Variants in MRPS9 observed in about 807,000 individuals in gnomAD.
MRPS9 encodes small ribosomal subunit protein uS9m.
A neutral mutation model predicts 59.9 loss-of-function variants in MRPS9; 45 were observed. That is an observed-to-expected ratio of 0.75 (90% CI 0.59 to 0.96). The LOEUF (loss-of-function observed/expected upper bound fraction) is 0.96, where lower values mean the gene tolerates loss of function less well. Ranked by LOEUF, MRPS9 falls within the 40% of genes least tolerant of loss-of-function variation. MRPS9 has a pLI of 0.00. For synonymous variants in MRPS9, 171 were observed against 166.8 expected (o/e 1.03, Z -0.19); for missense variants, 473 against 481.1 (o/e 0.98, Z 0.16).
intron 2 of MRPS9, among the ~76,000 whole-genome samples, chr2:105,057,068 A>G (rs1481755444): frequency 6.6e-6 from 1 of 152,216 alleles, no homozygotes; most frequent in Non-Finnish European, 1.5e-5. Flanking sequence ...AAAAGGAATT[A>G]GTAATTGGCA....
Position 105,093,833 on chromosome 2 carries a change from A to T in MRPS9, c.929+195A>T, listed in dbSNP as rs1680607925. 2.0e-5 allele frequency among the ~76,000 whole-genome samples: 3 copies of T among 152,244 alleles called. No homozygotes were observed. In the South Asian group the frequency reaches 6.2e-4, roughly 32 times the overall value. On this transcript the variant is annotated intron_variant, in intron 9 of 10. Coordinates refer to ENST00000258455, the MANE Select transcript of MRPS9 (RefSeq NM_182640.3). ...TCCAGATTTTTTAAAAAGCATCTCT[A>T]GAATTCCTCATTAATTGACTCTTCT... is the stretch of plus-strand genomic sequence containing the variant.
In MRPS9 at chr2:105,092,540, A is replaced by C. The variant is rs763179385; in HGVS notation, c.791A>C (p.Glu264Ala). ...KQLIEPVQYD[E>A]QGMAFSKSEG... ...CTGATTGAACCTGTACAGTATGATG[A>C]GCAAGGAATGGCCTTTAGCAAAAGT... Residue 264 changes from glutamate to alanine, a missense_variant, in exon 8 of 11, where the codon GAG becomes GCG. Coordinates refer to ENST00000258455, the MANE Select transcript of MRPS9 (RefSeq NM_182640.3). 2 of 1,605,642 alleles carry C rather than the reference A, an allele frequency of 1.2e-6. No homozygotes were observed. The highest frequency in any genetic ancestry group is 3.5e-5 in the Admixed American group (2 of 57,716).
intron 9 of MRPS9, among the ~76,000 whole-genome samples, chr2:105,096,597 A>G (rs898211677): frequency 1.3e-5 from 2 of 152,212 alleles, no homozygotes; most frequent in African/African-American, 4.8e-5. Flanking sequence ...TATGATTTAG[A>G]GAACTTTAAG....
chr2:105,097,072 A>G, intron 9 of MRPS9, 83 bp from the exon 10 acceptor site: 2 of 1,328,730 alleles, frequency 1.5e-6, no homozygotes. Context: ...TATTGTTTTT[A>G]TGAATATTCA....
intron 2 of MRPS9, among the ~76,000 whole-genome samples, chr2:105,069,849 A>C (rs1013981478): frequency 1.2e-5 from 1 of 84,384 alleles, no homozygotes; most frequent in African/African-American, 4.4e-5. Context: ...TCATCTCTAC[A>C]AAAAAAAAAA....
At chr2:105,070,774 A>G (rs113814403) in intron 2 of MRPS9, among the ~76,000 whole-genome samples, 2,690 of 152,322 alleles carry the variant, frequency 0.018, 79 homozygotes, top group African/African-American at 0.062. Context: ...AAGGGTGCCT[A>G]TGATGGAGCT....
At chr2:105,048,405 T>C (rs1171667623) in intron 1 of MRPS9, among the ~76,000 whole-genome samples, 3 of 151,848 alleles carry the variant, frequency 2.0e-5, no homozygotes, top group Non-Finnish European at 4.4e-5. Context: ...TAATGCTAAA[T>C]GACGAGTTAA....
intron 2 of MRPS9, among the ~76,000 whole-genome samples, chr2:105,061,027 G>A (rs1196445857): frequency 2.1e-5 from 3 of 144,760 alleles, no homozygotes; most frequent in Middle Eastern, 3.8e-3. Flanking sequence ...GGAGAATGGC[G>A]TGAACCCGGG....
At position 105,093,591 on chromosome 2, in the gene MRPS9, AG is replaced by A. The variant is rs768344173; in HGVS notation, c.883del (p.Val295Ter). ...VYKHGSGRIK[V>X]NGIDYQLYFP... is the part of the protein sequence containing the mutation. Reference sequence around the variant, plus strand: ...ATAAACATGGAAGTGGAAGAATAAAAGTAAATGGAATTGATTACCAGCTTTA... The same window carrying A: ...ATAAACATGGAAGTGGAAGAATAAAATAAATGGAATTGATTACCAGCTTTA... On this transcript the variant is annotated frameshift_variant, in exon 9 of 11. Coordinates refer to ENST00000258455, the MANE Select transcript of MRPS9 (RefSeq NM_182640.3). LOFTEE classifies it high-confidence loss of function. 1 of 1,607,972 alleles carries A rather than the reference AG, an allele frequency of 6.2e-7. No homozygotes were observed. Among genetic ancestry groups the A allele is most frequent in the Non-Finnish European group, 8.5e-7 (1 of 1,177,102 alleles).
At chr2:105,074,077 G>C (rs1680165225) in intron 4 of MRPS9, among the ~76,000 whole-genome samples, 1 of 152,098 alleles carries the variant, frequency 6.6e-6, no homozygotes, top group Non-Finnish European at 1.5e-5. Context: ...TATGACTGTT[G>C]AGTTAAAGAG....
chr2:105,099,076 C>G (rs1172717989), intron 10 of MRPS9, among the ~76,000 whole-genome samples: 1 of 152,062 alleles, frequency 6.6e-6, no homozygotes, highest in Non-Finnish European at 1.5e-5. Context: ...GAATACAACT[C>G]TAAAACTTAT....
intron 2 of MRPS9, among the ~76,000 whole-genome samples, chr2:105,061,521 G>A (rs1364490904): frequency 2.0e-5 from 3 of 152,176 alleles, no homozygotes; most frequent in South Asian, 2.1e-4. Flanking sequence ...TATGCCTGGC[G>A]CTGAAATGCA....
intron 2 of MRPS9, among the ~76,000 whole-genome samples, chr2:105,061,230 CA>C (rs1448451809): frequency 1.3e-5 from 2 of 151,492 alleles, no homozygotes; most frequent in African/African-American, 4.9e-5. Flanking sequence ...TACAGGCAGT[CA>C]AAACTAAAAC....
At chr2:105,051,052 T>C (rs1227887685) in intron 2 of MRPS9, among the ~76,000 whole-genome samples, 1 of 152,238 alleles carries the variant, frequency 6.6e-6, no homozygotes, top group African/African-American at 2.4e-5. Context: ...AGAATGTGCA[T>C]GCTATAAAGT....
chr2:105,094,768 T>G (rs576058560), intron 9 of MRPS9, among the ~76,000 whole-genome samples: 3 of 152,242 alleles, frequency 2.0e-5, no homozygotes, highest in Non-Finnish European at 2.9e-5. Context: ...ACCCCAGGGT[T>G]TGATAACTTC....
At chr2:105,057,915 C>A (rs1034365547) in intron 2 of MRPS9, among the ~76,000 whole-genome samples, 4 of 151,700 alleles carry the variant, frequency 2.6e-5, no homozygotes, top group African/African-American at 9.8e-5. Flanking sequence ...TTAAGTTCTA[C>A]ATTACTATAG....
At chr2:105,084,247 A>AATATAGATAT (rs754016660) in intron 5 of MRPS9, among the ~76,000 whole-genome samples, 6 of 139,590 alleles carry the variant, frequency 4.3e-5, no homozygotes, top group Non-Finnish European at 4.6e-5. Context: ...TATATACCAA[A>AATATAGATAT]ATATATATAT....
At chr2:105,078,777 A>G (rs1388844756) in intron 4 of MRPS9, among the ~76,000 whole-genome samples, 1 of 152,220 alleles carries the variant, frequency 6.6e-6, no homozygotes. Context: ...ACTGAACAAA[A>G]TAGTTCTTGG....
chr2:105,055,834 A>G (rs1679782876), intron 2 of MRPS9, among the ~76,000 whole-genome samples: 1 of 152,348 alleles, frequency 6.6e-6, no homozygotes. Context: ...TGCTGCAACA[A>G]TGGGTTATTC....
Sources: gnomAD v4.1 joint callset for allele counts (sites outside exome capture counted in the v4.1 genomes callset) on GRCh38, gnomAD v4.1.1 for gene constraint, MANE v1.5 for transcripts, NCBI Gene and HGNC (gene_info 2026-07-23, HGNC 2026-07-21) for gene names.